The following EIPR1 variants were observed in gnomAD, a reference collection of about 807,000 sequenced individuals.
EIPR1 encodes EARP and GARP complex-interacting protein 1.
A neutral mutation model predicts 48.1 loss-of-function variants in EIPR1; 25 were observed. That is an observed-to-expected ratio of 0.52 (90% CI 0.38 to 0.73). The LOEUF (loss-of-function observed/expected upper bound fraction) is 0.73. Ranked by LOEUF, EIPR1 falls within the 30% of genes least tolerant of loss-of-function variation. The pLI is 0.00. For synonymous variants in EIPR1, 204 were observed against 201.9 expected (o/e 1.01, Z -0.09); for missense variants, 415 against 506.2 (o/e 0.82, Z 1.73).
At chr2:3,195,511 T>A (rs1026600588) in intron 6 of EIPR1, among the ~76,000 whole-genome samples, 1 of 152,258 alleles carries the variant, frequency 6.6e-6, no homozygotes, top group African/African-American at 2.4e-5. Context: ...CTGGTTTTTA[T>A]ATCCTGCACC....
chr2:3,276,312 CCAGA>C (rs1239146303), intron 3 of EIPR1, among the ~76,000 whole-genome samples: 1 of 152,120 alleles, frequency 6.6e-6, no homozygotes, highest in Non-Finnish European at 1.5e-5. Flanking sequence ...ATATTCATCT[CCAGA>C]CAGAGAACGG....
chr2:3,198,550 C>T (rs1185001652), intron 5 of EIPR1, among the ~76,000 whole-genome samples: 8 of 152,136 alleles, frequency 5.3e-5, no homozygotes, highest in African/African-American at 7.2e-5. Context: ...AACCCACCCC[C>T]GATAATTCAA....
intron 5 of EIPR1, among the ~76,000 whole-genome samples, chr2:3,200,103 A>G (rs1664975525): frequency 6.6e-6 from 1 of 152,096 alleles, no homozygotes; most frequent in Non-Finnish European, 1.5e-5. Context: ...AAGAATAGCC[A>G]TGGTGATAGT....
At chr2:3,255,618 G>A (rs1407094248) in intron 4 of EIPR1, among the ~76,000 whole-genome samples, 1 of 152,230 alleles carries the variant, frequency 6.6e-6, no homozygotes, top group Admixed American at 6.5e-5. Flanking sequence ...AAGTTGAGAA[G>A]CAGTCTGACA....
intron 1 of EIPR1, among the ~76,000 whole-genome samples, chr2:3,358,546 T>C (rs1156588519): frequency 6.6e-6 from 1 of 152,230 alleles, no homozygotes; most frequent in Non-Finnish European, 1.5e-5. Context: ...TCGGTATTCC[T>C]CTACCCTCTG....
At chr2:3,370,080 C>T (rs1018094217) in intron 1 of EIPR1, among the ~76,000 whole-genome samples, 42 of 152,124 alleles carry the variant, frequency 2.8e-4, no homozygotes, top group Admixed American at 6.6e-4. Context: ...TCGCGGATCA[C>T]GAAAATCCGC....
In EIPR1 at chr2:3,227,524, G is replaced by A. The variant is rs527570179; in HGVS notation, c.417-13276C>T. Among the ~76,000 whole-genome samples, 250 of 152,320 alleles carry A rather than the reference G, an allele frequency of 1.6e-3. 1 individual carries two copies. The highest frequency in any genetic ancestry group is 2.9e-3 in the Non-Finnish European group (197 of 68,026). ...TTTGGAAAATTTGCAGCCTGACTAT[G>A]TAATAGAAAAGAAAAAACCATTTTC... On this transcript the variant is annotated intron_variant, in intron 4 of 8. Transcript: ENST00000382125.
intron 3 of EIPR1, among the ~76,000 whole-genome samples, chr2:3,331,320 GGT>G (rs1669899126): frequency 1.3e-5 from 1 of 77,242 alleles, no homozygotes; most frequent in Admixed American, 1.1e-4. Flanking sequence ...AGCAGAGGCA[GGT>G]GTGTATACAC....
At chr2:3,288,512 G>T (rs1668274158) in intron 3 of EIPR1, among the ~76,000 whole-genome samples, 1 of 152,162 alleles carries the variant, frequency 6.6e-6, no homozygotes, top group South Asian at 2.1e-4. Flanking sequence ...AGTTATTAAT[G>T]ATGTAAGAAC....
At chr2:3,208,831 G>GAGGCT (rs1384841506) in intron 5 of EIPR1, 1 of 1,548,828 alleles carries the variant, frequency 6.5e-7, no homozygotes. Flanking sequence ...CGTGGCAGGT[G>GAGGCT]CAGGTGTCTG....
At chr2:3,246,558 GA>G (rs1666800087) in intron 4 of EIPR1, among the ~76,000 whole-genome samples, 1 of 152,082 alleles carries the variant, frequency 6.6e-6, no homozygotes, top group Non-Finnish European at 1.5e-5. Context: ...CATCTACACT[GA>G]GGGGATTGTC....
intron 3 of EIPR1, among the ~76,000 whole-genome samples, chr2:3,287,880 G>A (rs543738270): frequency 1.3e-5 from 2 of 152,364 alleles, no homozygotes; most frequent in South Asian, 4.1e-4. Flanking sequence ...GCTCCAGAAA[G>A]CTCATTCGGC....
Position 3,250,162 on chromosome 2 carries a change from C to A in EIPR1, c.416+7137G>T, listed in dbSNP as rs1179358482. On this transcript the variant is annotated intron_variant, in intron 4 of 8. Coordinates refer to ENST00000382125, the MANE Select transcript of EIPR1 (RefSeq NM_003310.5). ...CCAAGAATGGTAGAGCCAGAAGCAG[C>A]TTGCATCCTGAGCCTGGAAAAACCA... is the stretch of plus-strand genomic sequence containing the variant. 3.3e-5 allele frequency among the ~76,000 whole-genome samples: 5 copies of A among 152,350 alleles called. No homozygotes were observed. In the East Asian group the frequency reaches 9.7e-4, roughly 29 times the overall value.
chr2:3,235,240 A>T (rs1355207083), intron 4 of EIPR1, among the ~76,000 whole-genome samples: 1 of 152,234 alleles, frequency 6.6e-6, no homozygotes, highest in Non-Finnish European at 1.5e-5. Context: ...CAAATGACTT[A>T]AAAAGGTGAC....
At chr2:3,215,774 C>A (rs1478821182) in intron 4 of EIPR1, among the ~76,000 whole-genome samples, 1 of 152,222 alleles carries the variant, frequency 6.6e-6, no homozygotes, top group Non-Finnish European at 1.5e-5. Flanking sequence ...TCAAGACTGT[C>A]TATGGAGCTA....
chr2:3,202,848 G>T (rs1174704572), intron 5 of EIPR1, among the ~76,000 whole-genome samples: 1 of 152,248 alleles, frequency 6.6e-6, no homozygotes, highest in Non-Finnish European at 1.5e-5. Context: ...ATTTTTGAAA[G>T]AGTAAGTTAA....
intron 5 of EIPR1, among the ~76,000 whole-genome samples, chr2:3,199,725 T>C (rs1475050161): frequency 6.7e-5 from 10 of 149,660 alleles, no homozygotes; most frequent in African/African-American, 2.2e-4. Context: ...TGGGTGTGTC[T>C]GCATCTGGGC....
chr2:3,206,423 A>G (rs1447840649), intron 5 of EIPR1, among the ~76,000 whole-genome samples: 1 of 152,220 alleles, frequency 6.6e-6, no homozygotes, highest in Non-Finnish European at 1.5e-5. Context: ...ACGAAGTCTG[A>G]GATGCACAGA....
chr2:3,340,235 T>A (rs1359552973), intron 2 of EIPR1, among the ~76,000 whole-genome samples: 1 of 152,188 alleles, frequency 6.6e-6, no homozygotes, highest in Non-Finnish European at 1.5e-5. Context: ...AGAGTGGAAT[T>A]CATACCCAGC....
Sources: allele counts gnomAD v4.1 joint callset (sites outside exome capture counted in the v4.1 genomes callset), GRCh38; gene constraint gnomAD v4.1.1; transcripts MANE v1.5; gene names NCBI Gene and HGNC (gene_info 2026-07-23, HGNC 2026-07-21).